The following MYCBP2 variants were observed in gnomAD, a reference collection of about 807,000 sequenced individuals.
MYCBP2 encodes E3 ubiquitin-protein ligase MYCBP2.
In MYCBP2, 120 loss-of-function variants were observed where a neutral mutation model predicts 525.3. The observed-to-expected ratio is 0.23, with a 90% CI of 0.20 to 0.27. The LOEUF is 0.27. MYCBP2 is among the 10% of genes least tolerant of loss of function. MYCBP2 has a pLI of 1.00. For synonymous variants in MYCBP2, 1,894 were observed against 1,955.8 expected, an observed-to-expected ratio of 0.97 and a Z score of 0.83; for missense variants, 4,149 against 5,657.1, an observed-to-expected ratio of 0.73 and a Z score of 8.55.
chr13:77,270,599 A>C (rs544057838), intron 5 of MYCBP2, 61 bp from the exon 6 acceptor site: 1 of 1,467,034 alleles, frequency 6.8e-7, no homozygotes, highest in African/African-American at 1.4e-5. Flanking sequence ...ACACAGAACA[A>C]AGATACTTTG....
At chr13:77,104,393 C>T (rs1233072474) in intron 55 of MYCBP2, among the ~76,000 whole-genome samples, 1 of 152,012 alleles carries the variant, frequency 6.6e-6, no homozygotes, top group African/African-American at 2.4e-5. Flanking sequence ...GGAACAAAGT[C>T]CCTATTCTCA....
chr13:77,183,703 C>T (rs1005570803), intron 32 of MYCBP2, among the ~76,000 whole-genome samples: 2 of 151,728 alleles, frequency 1.3e-5, no homozygotes, highest in South Asian at 2.1e-4. Flanking sequence ...AGCTGTGCAC[C>T]ACCATGCCTG....
At chr13:77,306,897 G>A (rs1479616956) in intron 1 of MYCBP2, among the ~76,000 whole-genome samples, 2 of 151,948 alleles carry the variant, frequency 1.3e-5, no homozygotes, top group African/African-American at 4.8e-5. Flanking sequence ...ATTGCAACAA[G>A]AACATGTGTA....
At chr13:77,177,684 G>A (rs2059843107) in intron 35 of MYCBP2, 64 bp downstream of exon 35, 1 of 1,329,020 alleles carries the variant, frequency 7.5e-7, no homozygotes, top group African/African-American at 1.4e-5. Context: ...AACATACTAT[G>A]ACAATGGTAA....
intron 17 of MYCBP2, among the ~76,000 whole-genome samples, chr13:77,241,755 AT>A (rs1232150095): frequency 6.6e-6 from 1 of 152,180 alleles, no homozygotes; most frequent in Non-Finnish European, 1.5e-5. Flanking sequence ...TGTGCCAAGT[AT>A]ATGTTTTACA....
chr13:77,299,508 G>C (rs2154368544), intron 1 of MYCBP2, among the ~76,000 whole-genome samples: 1 of 152,196 alleles, frequency 6.6e-6, no homozygotes, highest in South Asian at 2.1e-4. Flanking sequence ...CCAGTAATAA[G>C]TTGAAAATTA....
chr13:77,077,134 G>A lies in MYCBP2; in HGVS notation c.11724+14C>T. ...CAATTATCCTGTGCTAGAATATGTTGTAAGGACACTCACTTGAGACGTAAT... is the reference window on the plus strand; with the variant it reads ...CAATTATCCTGTGCTAGAATATGTTATAAGGACACTCACTTGAGACGTAAT... On this transcript the variant is annotated intron_variant, in intron 67 of 82. Coordinates refer to ENST00000544440, the MANE Select transcript of MYCBP2 (RefSeq NM_015057.5). The A allele has an allele frequency of 6.2e-7, 1 of 1,611,812 alleles. No individual in the cohort carries two copies. The highest frequency in any genetic ancestry group is 8.5e-7 in the Non-Finnish European group (1 of 1,179,230).
chr13:77,286,513 G>A lies in MYCBP2; in HGVS notation c.594+1648C>T, dbSNP rs551438258. Reference sequence around the variant, plus strand: ...TCACGCCTGTAATCCCAGCACGTTGGGAGGCCGAGGCAGGCGGATCACGAG... The same window carrying A: ...TCACGCCTGTAATCCCAGCACGTTGAGAGGCCGAGGCAGGCGGATCACGAG... On this transcript the variant is annotated intron_variant, in intron 3 of 82. Coordinates refer to ENST00000544440, the MANE Select transcript of MYCBP2 (RefSeq NM_015057.5). Among the ~76,000 whole-genome samples, 308 of 151,248 alleles carry A rather than the reference G, an allele frequency of 2.0e-3. 1 individual carries two copies. The highest frequency in any genetic ancestry group is 3.0e-3 in the Non-Finnish European group (202 of 67,868).
intron 39 of MYCBP2, among the ~76,000 whole-genome samples, chr13:77,168,862 T>A (rs556522114): frequency 6.6e-6 from 1 of 152,344 alleles, no homozygotes; most frequent in East Asian, 1.9e-4. Context: ...TAAAAACTTG[T>A]TTTTTCATGA....
At chr13:77,210,288 G>A (rs930680428) in intron 23 of MYCBP2, among the ~76,000 whole-genome samples, 1 of 151,298 alleles carries the variant, frequency 6.6e-6, no homozygotes, top group East Asian at 1.9e-4. Flanking sequence ...CGCCTCCCAG[G>A]TTCACGCCAT....
At chr13:77,107,713 G>A (rs982484444) in intron 55 of MYCBP2, among the ~76,000 whole-genome samples, 1 of 151,964 alleles carries the variant, frequency 6.6e-6, no homozygotes, top group African/African-American at 2.4e-5. Context: ...ACTCCAGTGT[G>A]GGCGACAGAG....
At chr13:77,096,937 G>GA (rs145007183) in intron 56 of MYCBP2, among the ~76,000 whole-genome samples, 4,542 of 152,234 alleles carry the variant, frequency 0.03, 98 homozygotes, top group East Asian at 0.052. Context: ...TACATTTACT[G>GA]AAAATGCAGT....
At chr13:77,069,564 C>A (rs984691102) in intron 69 of MYCBP2, among the ~76,000 whole-genome samples, 1 of 150,180 alleles carries the variant, frequency 6.7e-6, no homozygotes, top group East Asian at 2.0e-4. Flanking sequence ...ACGGTGAAAC[C>A]CCGTCTCTAC....
At chr13:77,314,003 T>A (rs549939721) in intron 1 of MYCBP2, among the ~76,000 whole-genome samples, 2 of 151,284 alleles carry the variant, frequency 1.3e-5, no homozygotes, top group Non-Finnish European at 1.5e-5. Context: ...ATAGACAACA[T>A]CAAATGTTGG....
intron 3 of MYCBP2, among the ~76,000 whole-genome samples, chr13:77,287,284 CA>C (rs902372366): frequency 8.6e-5 from 13 of 151,468 alleles, no homozygotes; most frequent in Non-Finnish European, 1.5e-4. Flanking sequence ...CTCCTGGGTT[CA>C]AGCAATTTTC....
chr13:77,223,556 G>C (rs541619608), intron 20 of MYCBP2, among the ~76,000 whole-genome samples: 3 of 152,216 alleles, frequency 2.0e-5, no homozygotes, highest in Non-Finnish European at 4.4e-5. Flanking sequence ...CAAGTAAGAG[G>C]GACTTCAAGA....
chr13:77,302,594 G>C (rs975051326), intron 1 of MYCBP2, among the ~76,000 whole-genome samples: 2 of 152,084 alleles, frequency 1.3e-5, no homozygotes, highest in Non-Finnish European at 2.9e-5. Context: ...ATCCATGAAA[G>C]CTGACATAAT....
intron 72 of MYCBP2, 44 bp downstream of exon 72, chr13:77,065,948 T>C (rs763118812): frequency 2.1e-6 from 3 of 1,457,920 alleles, no homozygotes; most frequent in Non-Finnish European, 2.9e-6. Context: ...TTGTGTCAGC[T>C]TCCTGCCGCA....
chr13:77,064,618 A>C lies in MYCBP2; in HGVS notation c.12669T>G (p.Thr4223=). 1.9e-6 allele frequency: 3 copies of C among 1,608,588 alleles called. 1 individual carries two copies. The South Asian group carries it at 3.3e-5, about 18-fold the overall frequency. The change falls in exon 73 of 83, where the codon ACT becomes ACG. Residue 4223 remains threonine, a synonymous_variant. Transcript: ENST00000544440. ...FRSPVRCIAT[T]RLWLALASLC... ...AACAAAACAAAGCAAAACCTACTCTAGTTGTTGCAATACATCTCACTGGAG... is the reference window on the plus strand; with the variant it reads ...AACAAAACAAAGCAAAACCTACTCTCGTTGTTGCAATACATCTCACTGGAG...
Sources: gnomAD v4.1 joint callset for allele counts (sites outside exome capture counted in the v4.1 genomes callset) on GRCh38, gnomAD v4.1.1 for gene constraint, MANE v1.5 for transcripts, NCBI Gene and HGNC (gene_info 2026-07-23, HGNC 2026-07-21) for gene names.